The following ACER2 variants were observed in gnomAD, a reference collection of about 807,000 sequenced individuals.
The protein encoded by ACER2 is alkCDase 2.
In ACER2, 26 loss-of-function variants were observed where a neutral mutation model predicts 34.7. The ratio of observed to expected loss-of-function variants is 0.75; its 90% confidence interval spans 0.55 to 1.04. The LOEUF (loss-of-function observed/expected upper bound fraction) is 1.04, where lower values mean the gene tolerates loss of function less well. Among genes scored for constraint, ACER2 ranks in the 50% least tolerant of loss-of-function variants. The pLI, the probability that ACER2 is intolerant of heterozygous loss-of-function variation, is 0.00. For missense variants in ACER2, 352 were observed against 340.8 expected (o/e 1.03, Z -0.26); for synonymous variants, 138 against 132.1 (o/e 1.04, Z -0.31).
At position 19,452,223 on chromosome 9, in the gene ACER2, G is replaced by C. The variant is rs970373459; in HGVS notation, c.*1587G>C. On this transcript the variant is annotated 3_prime_UTR_variant, in exon 6 of 6. Coordinates refer to ENST00000340967, the MANE Select transcript of ACER2 (RefSeq NM_001010887.3). ...GCAGGACAGGTGTGTTCTTCTGTGGGCAGGAGTCATGTCACTGTCCTACAT... is the reference window on the plus strand; with the variant it reads ...GCAGGACAGGTGTGTTCTTCTGTGGCCAGGAGTCATGTCACTGTCCTACAT... Among the ~76,000 whole-genome samples the C allele has an allele frequency of 6.6e-6, 1 of 152,188 alleles. No homozygotes were observed. The highest frequency in any genetic ancestry group is 1.5e-5 in the Non-Finnish European group (1 of 68,032).
chr9:19,435,101 C>T lies in ACER2; in HGVS notation c.503+17C>T, dbSNP rs746407146. 3 of 1,613,764 alleles carry T rather than the reference C, an allele frequency of 1.9e-6. No individual in the cohort carries two copies. Among genetic ancestry groups the T allele is most frequent in the South Asian group, 2.2e-5 (2 of 91,020 alleles). ...GCTAAAGAGGTAGGTGCCATCATTC[C>T]TGCCTACCCTTAGCTGTCCCCGTGC... On this transcript the variant is annotated intron_variant, in intron 4 of 5. Coordinates refer to ENST00000340967, the MANE Select transcript of ACER2 (RefSeq NM_001010887.3).
Position 19,447,945 on chromosome 9 carries a change from C to T in ACER2, c.641+1527C>T, listed in dbSNP as rs1437803151. Among the ~76,000 whole-genome samples the T allele has an allele frequency of 5.3e-5, 8 of 150,228 alleles. No individual in the cohort carries two copies. In the East Asian group the frequency reaches 7.7e-4, roughly 15 times the overall value. ...TTGAGATTTTATATGTACACACACACGCACACATATATATGTCTACTTTTA... is the reference window on the plus strand; with the variant it reads ...TTGAGATTTTATATGTACACACACATGCACACATATATATGTCTACTTTTA... On this transcript the variant is annotated intron_variant, in intron 5 of 5. Transcript: ENST00000340967.
chr9:19,442,936 G>A (rs1282881099), intron 4 of ACER2, among the ~76,000 whole-genome samples: 1 of 149,492 alleles, frequency 6.7e-6, no homozygotes, highest in African/African-American at 2.5e-5. Context: ...GGGTTCAAGC[G>A]ATTCTCTTAC....
rs1831585466 is a variant in ACER2, at chr9:19,451,993, G to T, written c.*1357G>T. On this transcript the variant is annotated 3_prime_UTR_variant, in exon 6 of 6. Transcript: ENST00000340967. ...GCTATGCACTCACGGGCTGGTTTGG[G>T]TCGCTGGTGCAGCAGCGCAAATCTG... is the stretch of plus-strand genomic sequence containing the variant. 2.0e-5 allele frequency: 3 copies of T among 152,592 alleles called. No individual in the cohort carries two copies. The highest frequency in any genetic ancestry group is 6.5e-5 in the Admixed American group (1 of 15,276). 9.5% of individuals were successfully genotyped at this position (152,592 alleles called of 1,614,324 possible).
Position 19,426,300 on chromosome 9 carries a change from TTCTTTC to T in ACER2, c.365+1467_365+1472del, listed in dbSNP as rs1385529298. Among the ~76,000 whole-genome samples the T allele has an allele frequency of 8.7e-5, 13 of 149,834 alleles. No individual in the cohort carries two copies. The East Asian group carries it at 1.2e-3, about 13-fold the overall frequency. On this transcript the variant is annotated intron_variant, in intron 3 of 5. Transcript: ENST00000340967. ...TCTTTCTTTCTTTCTTTTTCTGTCT[TTCTTTC>T]TCTTTCTTTCTTTCTTTTTCTTTCT... is the stretch of plus-strand genomic sequence containing the variant.
intron 1 of ACER2, among the ~76,000 whole-genome samples, chr9:19,410,479 G>A (rs1589027233): frequency 6.6e-6 from 1 of 152,316 alleles, no homozygotes; most frequent in East Asian, 1.9e-4. Context: ...GGAGGCCAAG[G>A]CAGGTGGATC....
At chr9:19,419,691 A>G (rs1045555214) in intron 1 of ACER2, among the ~76,000 whole-genome samples, 8 of 152,206 alleles carry the variant, frequency 5.3e-5, no homozygotes, top group African/African-American at 1.9e-4. Context: ...TGAAGCCAGG[A>G]GGCGGACATT....
intron 1 of ACER2, among the ~76,000 whole-genome samples, chr9:19,417,519 A>G (rs182248343): frequency 1.3e-5 from 2 of 152,354 alleles, no homozygotes; most frequent in Non-Finnish European, 2.9e-5. Flanking sequence ...CAAAATAGAT[A>G]TATAGACCAA....
chr9:19,444,520 A>C (rs1181118793), intron 4 of ACER2, among the ~76,000 whole-genome samples: 1 of 152,126 alleles, frequency 6.6e-6, no homozygotes, highest in Non-Finnish European at 1.5e-5. Context: ...ATAAAATCTC[A>C]TAATGTTTTA....
In ACER2 at chr9:19,431,848, G is replaced by A. The variant is rs1034771300; in HGVS notation, c.366-3099G>A. 5.3e-5 allele frequency among the ~76,000 whole-genome samples: 8 copies of A among 152,284 alleles called. No individual in the cohort carries two copies. The East Asian group carries it at 1.5e-3, about 29-fold the overall frequency. ...TAAAAGATAAATTTGTATTTTGAGG[G>A]TTCAATGCCCTTTGATTTCTTTATA... On this transcript the variant is annotated intron_variant, in intron 3 of 5. Transcript: ENST00000340967.
rs1350633282 is a variant in ACER2 at position 19,409,662 on chromosome 9, G to C, written c.108+470G>C. The C allele has an allele frequency of 3.5e-6, 3 of 865,254 alleles. No individual in the cohort carries two copies. In the African/African-American group the frequency reaches 5.5e-5, roughly 16 times the overall value. The allele number at this position is 865,254 out of a possible 1,614,324, so 53.6% of individuals were successfully genotyped here. ...CCCCCCGCAGGTCCCCGCGGCTGGG[G>C]TCACTCCCACCAGGCAGACTTGCCC... On this transcript the variant is annotated intron_variant, in intron 1 of 5. Transcript: ENST00000340967.
chr9:19,452,027 T>C lies in ACER2; in HGVS notation c.*1391T>C, dbSNP rs1831586850. 1 of 152,698 alleles carries C rather than the reference T, an allele frequency of 6.5e-6. No homozygotes were observed. The highest frequency in any genetic ancestry group is 2.1e-4 in the South Asian group (1 of 4,832). 9.5% of individuals were successfully genotyped at this position (152,698 alleles called of 1,614,324 possible). ...GCAGCAGCGCAAATCTGTTGCCTTC[T>C]GAATTTTTCTCACCTAATGTGACAC... On this transcript the variant is annotated 3_prime_UTR_variant, in exon 6 of 6. Transcript: ENST00000340967.
At chr9:19,428,288 C>G (rs983134769) in intron 3 of ACER2, among the ~76,000 whole-genome samples, 2 of 152,000 alleles carry the variant, frequency 1.3e-5, no homozygotes, top group Non-Finnish European at 2.9e-5. Context: ...CTGCCTCAGC[C>G]TCCCGAGTCG....
In ACER2 at chr9:19,443,301, G is replaced by A. The variant is rs540409076; in HGVS notation, c.504-2980G>A. Among the ~76,000 whole-genome samples, 133 of 152,262 alleles carry A rather than the reference G, an allele frequency of 8.7e-4. 1 individual carries two copies. In the Middle Eastern group the frequency reaches 0.017, roughly 19 times the overall value. ...CCTGCTTCAGCCTCCCAAAGTGCTGGGATTACAGGTGTGAGCCACCACGCC... is the reference window on the plus strand; with the variant it reads ...CCTGCTTCAGCCTCCCAAAGTGCTGAGATTACAGGTGTGAGCCACCACGCC... On this transcript the variant is annotated intron_variant, in intron 4 of 5. Transcript: ENST00000340967.
rs146016551 is a variant in ACER2, at chr9:19,423,869, A to G, written c.116A>G (p.Asn39Ser). ...AIAEFYNTISNVLFFILPPIC... is the reference protein window; with the variant it reads ...AIAEFYNTISSVLFFILPPIC... The stretch of plus-strand genomic sequence containing the variant: ...TACATTTTTTTCCTGCAGATCAGCA[A>G]TGTCTTATTTTTCATTTTACCGCCC... Residue 39 changes from asparagine (N) to serine (S), a missense_variant, in exon 2 of 6, where the codon AAT (asparagine) becomes AGT (serine). By Grantham distance (46) the Asn-to-Ser change is conservative. Coordinates refer to ENST00000340967, the MANE Select transcript of ACER2 (RefSeq NM_001010887.3). 2.5e-5 allele frequency: 40 copies of G among 1,612,856 alleles called. No individual in the cohort carries two copies. Among genetic ancestry groups the G allele is most frequent in the South Asian group, 3.3e-5 (3 of 91,060 alleles).
rs1320185974 is a variant in ACER2, at chr9:19,424,844, A to G, written c.365+3A>G. On this transcript the variant is annotated splice_donor_region_variant and intron_variant, in intron 3 of 5. Transcript: ENST00000340967. ...CCAAAGATCTTTCGGAATGACCGGT[A>G]AGCTTGCACTAAACATTATTGCATT... The G allele has an allele frequency of 6.2e-7, 1 of 1,614,132 alleles. No homozygotes were observed. The highest frequency in any genetic ancestry group is 1.3e-5 in the African/African-American group (1 of 75,048).
At chr9:19,409,266 G>C in intron 1 of ACER2, 74 bp downstream of exon 1, 21 of 1,435,166 alleles carry the variant, frequency 1.5e-5, no homozygotes, top group Non-Finnish European at 2.0e-5. Flanking sequence ...GCGTCTGGAA[G>C]CTGGACGTGG....
rs1337620462 is a variant in ACER2, at chr9:19,423,815, C to G, written c.109-47C>G. The G allele has an allele frequency of 2.7e-6, 4 of 1,497,884 alleles. No individual in the cohort carries two copies. The African/African-American group carries it at 5.5e-5, about 21-fold the overall frequency. The allele number at this position is 1,497,884 out of a possible 1,614,324, so 92.8% of individuals were successfully genotyped here. A position where few individuals can be genotyped will look rare whatever the true frequency, so the allele number is the denominator to read the frequency against. On this transcript the variant is annotated intron_variant, in intron 1 of 5. Coordinates refer to ENST00000340967, the MANE Select transcript of ACER2 (RefSeq NM_001010887.3). ...GGAAGAGGCCACTTTATTTTTTGCCCTTTTTACTTAATACTCATCTTTCTG... is the reference window on the plus strand; with the variant it reads ...GGAAGAGGCCACTTTATTTTTTGCCGTTTTTACTTAATACTCATCTTTCTG...
intron 4 of ACER2, among the ~76,000 whole-genome samples, chr9:19,439,484 A>G (rs964454074): frequency 2.0e-5 from 3 of 152,092 alleles, no homozygotes; most frequent in Non-Finnish European, 4.4e-5. Context: ...AGTTGGGATT[A>G]CAGGTGTGTG....
Sources: allele counts gnomAD v4.1 joint callset (sites outside exome capture counted in the v4.1 genomes callset), GRCh38; gene constraint gnomAD v4.1.1; transcripts MANE v1.5; gene names NCBI Gene and HGNC (gene_info 2026-07-23, HGNC 2026-07-21).